The following PCDH15 variants were observed in gnomAD, a reference collection of about 807,000 sequenced individuals.
PCDH15 encodes the protein protocadherin-15.
In PCDH15, 129 loss-of-function variants were observed where a neutral mutation model predicts 178.5. The observed-to-expected ratio is 0.72, with a 90% confidence interval of 0.63 to 0.84. The LOEUF (loss-of-function observed/expected upper bound fraction) is 0.84. Among genes scored for constraint, PCDH15 ranks in the 40% least tolerant of loss-of-function variants. The probability of loss-of-function intolerance (pLI) is 0.00; values close to 1 mark genes in which losing one functional copy is unlikely to be tolerated. For missense variants in PCDH15, 2,230 were observed against 2,099.9 expected, an observed-to-expected ratio of 1.06 and a Z score of -1.21; for synonymous variants, 800 against 732.0, an observed-to-expected ratio of 1.09 and a Z score of -1.50.
intron 2 of PCDH15, among the ~76,000 whole-genome samples, chr10:54,612,832 A>T (rs1008932385): frequency 2.0e-5 from 3 of 151,844 alleles, no homozygotes; most frequent in East Asian, 1.9e-4. Context: ...TAAGTTTCTT[A>T]TCGTACCTGG....
chr10:54,277,169 T>C (rs1435225289), intron 8 of PCDH15, among the ~76,000 whole-genome samples: 1 of 151,598 alleles, frequency 6.6e-6, no homozygotes, highest in Non-Finnish European at 1.5e-5. Flanking sequence ...TTAAGTTAAA[T>C]AACCTTCAGG....
At chr10:54,132,831 T>C in intron 15 of PCDH15, 44 bp downstream of exon 15, 1 of 1,561,920 alleles carries the variant, frequency 6.4e-7, no homozygotes, top group Non-Finnish European at 8.6e-7. Flanking sequence ...CTTGTCACTT[T>C]AGAATTTATA....
At chr10:54,066,580 A>G (rs534550064) in intron 18 of PCDH15, among the ~76,000 whole-genome samples, 177 bp downstream of exon 18, 1 of 152,324 alleles carries the variant, frequency 6.6e-6, no homozygotes, top group Admixed American at 6.5e-5. Context: ...GTAAATCTGT[A>G]TCCTTGAAAG....
chr10:53,861,107 A>G (rs547640191), intron 27 of PCDH15, among the ~76,000 whole-genome samples: 11 of 152,178 alleles, frequency 7.2e-5, no homozygotes, highest in Non-Finnish European at 1.2e-4. Context: ...CAGAAATTCT[A>G]CATCCTAACT....
chr10:53,911,502 A>C (rs560777276), intron 25 of PCDH15, among the ~76,000 whole-genome samples: 1 of 152,330 alleles, frequency 6.6e-6, no homozygotes, highest in South Asian at 2.1e-4. Flanking sequence ...CCACAAGAGA[A>C]AGCAGGAAAG....
chr10:54,047,991 C>A (rs1435335985), intron 18 of PCDH15, among the ~76,000 whole-genome samples: 1 of 152,038 alleles, frequency 6.6e-6, no homozygotes, highest in Non-Finnish European at 1.5e-5. Flanking sequence ...CTGCAGAAAG[C>A]AGTTTGGAGA....
intron 2 of PCDH15, among the ~76,000 whole-genome samples, chr10:54,620,937 G>A (rs116381151): frequency 6.6e-6 from 1 of 151,848 alleles, no homozygotes; most frequent in Non-Finnish European, 1.5e-5. Flanking sequence ...TTTTAATAAA[G>A]AAGTAAGAAC....
chr10:54,816,715 C>T (rs139974718), intron 3 of PCDH15, among the ~76,000 whole-genome samples: 33 of 152,058 alleles, frequency 2.2e-4, no homozygotes, highest in African/African-American at 6.0e-4. Flanking sequence ...TTTAGCAGAC[C>T]TGCTGTAGGC....
At chr10:55,549,212 C>A (rs924674474) in intron 2 of PCDH15, among the ~76,000 whole-genome samples, 8 of 151,844 alleles carry the variant, frequency 5.3e-5, no homozygotes, top group African/African-American at 1.9e-4. Flanking sequence ...ATTCATATTC[C>A]TGTTTTTCTG....
At chr10:54,931,016 TC>T (rs1837759107) in intron 2 of PCDH15, among the ~76,000 whole-genome samples, 1 of 152,194 alleles carries the variant, frequency 6.6e-6, no homozygotes, top group South Asian at 2.1e-4. Context: ...TTACTTAATC[TC>T]CTTTGGAGCT....
chr10:54,429,456 T>C (rs1347487899), intron 3 of PCDH15, among the ~76,000 whole-genome samples: 5 of 151,936 alleles, frequency 3.3e-5, no homozygotes, highest in African/African-American at 9.7e-5. Context: ...AACAGCAAAA[T>C]GGCAAGAGTA....
chr10:55,107,776 C>A (rs577881628), intron 2 of PCDH15, among the ~76,000 whole-genome samples: 1 of 151,244 alleles, frequency 6.6e-6, no homozygotes, highest in African/African-American at 2.4e-5. Flanking sequence ...GGATTACAGG[C>A]GTGAATCACC....
intron 2 of PCDH15, among the ~76,000 whole-genome samples, chr10:55,135,527 T>A (rs1034816884): frequency 2.7e-5 from 4 of 150,074 alleles, no homozygotes; most frequent in African/African-American, 9.8e-5. Context: ...TTCCCTGGTC[T>A]CCCCAGAAAC....
intron 3 of PCDH15, among the ~76,000 whole-genome samples, chr10:54,876,064 G>C (rs1354795375): frequency 6.6e-6 from 1 of 152,090 alleles, no homozygotes; most frequent in Admixed American, 6.6e-5. Context: ...TATAGCTTGT[G>C]ACTTTAAGTT....
At chr10:54,102,714 A>G (rs559477061) in intron 15 of PCDH15, among the ~76,000 whole-genome samples, 79 of 152,278 alleles carry the variant, frequency 5.2e-4, no homozygotes, top group African/African-American at 1.8e-3. Flanking sequence ...CAGGGAGCCA[A>G]TGTGGGGGTT....
intron 1 of PCDH15, among the ~76,000 whole-genome samples, chr10:54,781,030 G>T (rs777358262): frequency 6.6e-6 from 1 of 151,982 alleles, no homozygotes; most frequent in African/African-American, 2.4e-5. Context: ...GTTTATCTTG[G>T]ATTCTATTTT....
chr10:54,038,471 A>G (rs2093468284), intron 18 of PCDH15, among the ~76,000 whole-genome samples: 1 of 151,954 alleles, frequency 6.6e-6, no homozygotes, highest in Non-Finnish European at 1.5e-5. Context: ...TGCAGGGTCA[A>G]CTACAGCCTT....
chr10:55,175,715 AAAG>A (rs1471298142), intron 1 of PCDH15, among the ~76,000 whole-genome samples: 1 of 151,776 alleles, frequency 6.6e-6, no homozygotes. Context: ...AAGAAAAAGA[AAAG>A]AAAAGAAAAC....
intron 18 of PCDH15, among the ~76,000 whole-genome samples, chr10:54,043,379 C>CTT (rs923995916): frequency 6.6e-6 from 1 of 151,176 alleles, no homozygotes; most frequent in African/African-American, 2.4e-5. Flanking sequence ...CCTGCTCTCT[C>CTT]TCTCTCTCTT....
Sources: allele counts gnomAD v4.1 joint callset (sites outside exome capture counted in the v4.1 genomes callset), GRCh38; gene constraint gnomAD v4.1.1; transcripts MANE v1.5; gene names NCBI Gene and HGNC (gene_info 2026-07-23, HGNC 2026-07-21).